AP3B1: variants seen among roughly 807,000 people sequenced by gnomAD.
The protein encoded by AP3B1 is adaptor related protein complex 3 subunit beta 1.
AP3B1 carries 61 observed loss-of-function variants against 132.5 expected under a neutral mutation model. The observed-to-expected ratio is 0.46, with a 90% CI of 0.37 to 0.57. The LOEUF (loss-of-function observed/expected upper bound fraction) is 0.57, where lower values mean the gene tolerates loss of function less well. AP3B1 is among the 20% of genes least tolerant of loss of function. The pLI, the probability that AP3B1 is intolerant of heterozygous loss-of-function variation, is 0.00. For synonymous variants in AP3B1, 388 were observed against 438.3 expected (o/e 0.89, Z 1.43); for missense variants, 1,120 against 1,289.4 (o/e 0.87, Z 2.01).
intron 26 of AP3B1, among the ~76,000 whole-genome samples, chr5:78,007,641 T>A (rs1178601863): frequency 6.6e-6 from 1 of 152,152 alleles, no homozygotes; most frequent in Non-Finnish European, 1.5e-5. Context: ...CTCCTAAACA[T>A]CAATACCAAA....
At chr5:78,085,591 ATAAAT>A (rs1030127223) in intron 22 of AP3B1, among the ~76,000 whole-genome samples, 1 of 152,198 alleles carries the variant, frequency 6.6e-6, no homozygotes, top group Non-Finnish European at 1.5e-5. Context: ...TTGTTATACC[ATAAAT>A]TAATTTTTCC....
At chr5:78,199,555 C>A (rs1452554106) in intron 7 of AP3B1, among the ~76,000 whole-genome samples, 1 of 152,054 alleles carries the variant, frequency 6.6e-6, no homozygotes, top group African/African-American at 2.4e-5. Flanking sequence ...TCATTCTCTC[C>A]ATACCTTAAT....
intron 22 of AP3B1, among the ~76,000 whole-genome samples, chr5:78,072,447 C>T (rs575328794): frequency 3.9e-5 from 6 of 152,206 alleles, no homozygotes; most frequent in South Asian, 4.1e-4. Flanking sequence ...TGGCTGGTAT[C>T]GCTTTTAAAT....
chr5:78,282,249 C>T (rs1009518703), intron 1 of AP3B1, among the ~76,000 whole-genome samples: 15 of 152,116 alleles, frequency 9.9e-5, no homozygotes, highest in African/African-American at 3.1e-4. Flanking sequence ...ACCATTTAGC[C>T]CCTCCTCTTT....
chr5:78,276,817 C>G (rs1748796363), intron 1 of AP3B1, among the ~76,000 whole-genome samples: 1 of 151,208 alleles, frequency 6.6e-6, no homozygotes, highest in African/African-American at 2.4e-5. Flanking sequence ...GGCAGTGAGC[C>G]AAGATCGCAC....
At chr5:78,159,768 C>T (rs1166782372) in intron 13 of AP3B1, among the ~76,000 whole-genome samples, 4 of 152,166 alleles carry the variant, frequency 2.6e-5, no homozygotes, top group Admixed American at 6.5e-5. Context: ...CCACAAGTGC[C>T]TTCTCATTCC....
chr5:78,013,594 A>G (rs1746711436), intron 26 of AP3B1, among the ~76,000 whole-genome samples: 1 of 152,210 alleles, frequency 6.6e-6, no homozygotes, highest in African/African-American at 2.4e-5. Flanking sequence ...TAGTAAATTC[A>G]ATAATTCCAA....
chr5:78,266,841 G>A (rs1748343464), intron 2 of AP3B1, among the ~76,000 whole-genome samples: 1 of 151,990 alleles, frequency 6.6e-6, no homozygotes, highest in South Asian at 2.1e-4. Flanking sequence ...CGTACAGAGA[G>A]TGCAACATAA....
Position 78,294,565 on chromosome 5 carries a change from A to C in AP3B1, c.15T>G (p.Ser5Arg). Residue 5 changes from serine to arginine, a missense_variant, in exon 1 of 27, where the codon AGT (serine) becomes AGG (arginine). Physicochemically the swap from Ser to Arg is moderately radical, Grantham distance 110. This residue lies in a region of AP3B1 where 85 missense variants were observed against 79.9 expected (regional missense o/e 1.06). Transcript: ENST00000255194. ...CTCCGGACTGCTCATTGTAAGGAAAACTATTGCTGGACATTGCCGCGGTGC... is the reference window on the plus strand; with the variant it reads ...CTCCGGACTGCTCATTGTAAGGAAACCTATTGCTGGACATTGCCGCGGTGC... MSSN[S>R]FPYNEQSGGG... 6.2e-7 allele frequency: 1 copy of C among 1,614,140 alleles called. No individual in the cohort carries two copies. The highest frequency in any genetic ancestry group is 1.1e-5 in the South Asian group (1 of 91,088).
chr5:78,067,237 G>A (rs555901253), intron 22 of AP3B1, among the ~76,000 whole-genome samples: 57 of 152,250 alleles, frequency 3.7e-4, no homozygotes, highest in South Asian at 1.0e-3. Context: ...AAATATACAC[G>A]TACCTAATAT....
chr5:78,095,582 C>A (rs1286343766), intron 21 of AP3B1, among the ~76,000 whole-genome samples: 1 of 152,036 alleles, frequency 6.6e-6, no homozygotes, highest in African/African-American at 2.4e-5. Context: ...TAATGAAAAC[C>A]CTGAAGAGGG....
At chr5:78,258,846 G>A (rs191757912) in intron 2 of AP3B1, among the ~76,000 whole-genome samples, 20 of 152,284 alleles carry the variant, frequency 1.3e-4, no homozygotes, top group Non-Finnish European at 2.5e-4. Flanking sequence ...ATACACAATG[G>A]AGTACTATTC....
At chr5:78,044,453 T>C (rs1219032637) in intron 22 of AP3B1, among the ~76,000 whole-genome samples, 2 of 152,242 alleles carry the variant, frequency 1.3e-5, no homozygotes, top group African/African-American at 4.8e-5. Flanking sequence ...ATATTTGTTA[T>C]CAAATCATTA....
At chr5:78,249,579 C>CTTTTTTTTTTTTTTTTTTT (rs71301504) in intron 2 of AP3B1, among the ~76,000 whole-genome samples, 2 of 105,074 alleles carry the variant, frequency 1.9e-5, no homozygotes, top group Non-Finnish European at 3.8e-5. Context: ...TTTTCTTTTT[C>CTTTTTTTTTTTTTTTTTTT]TTTTTTTTTT....
chr5:78,109,168 C>T lies in AP3B1; in HGVS notation c.2397+1039G>A, dbSNP rs144815443. 2.4e-3 allele frequency among the ~76,000 whole-genome samples: 358 copies of T among 152,058 alleles called. 1 individual carries two copies. Among genetic ancestry groups the T allele is most frequent in the African/African-American group, 8.3e-3 (344 of 41,518 alleles). ...GTGAATTTTTTAAAAATAAAAATCTCAGGTTATTTTATATACAGACACAAG... is the reference window on the plus strand; with the variant it reads ...GTGAATTTTTTAAAAATAAAAATCTTAGGTTATTTTATATACAGACACAAG... On this transcript the variant is annotated intron_variant, in intron 20 of 26. Transcript: ENST00000255194.
Position 78,294,627 on chromosome 5 carries a change from C to T in AP3B1, c.-48G>A. On this transcript the variant is annotated 5_prime_UTR_variant, in exon 1 of 27. Transcript: ENST00000255194. Reference sequence around the variant, plus strand: ...GGGTTGGTCCTGCCGGGGGTTCTCTCCAAAAGGTTCCAGTCCAGAGGGCAC... The same window carrying T: ...GGGTTGGTCCTGCCGGGGGTTCTCTTCAAAAGGTTCCAGTCCAGAGGGCAC... 1 of 1,612,202 alleles carries T rather than the reference C, an allele frequency of 6.2e-7. No homozygotes were observed. Among genetic ancestry groups the T allele is most frequent in the Non-Finnish European group, 8.5e-7 (1 of 1,179,898 alleles).
At chr5:78,232,966 C>G (rs185695093) in intron 3 of AP3B1, among the ~76,000 whole-genome samples, 36 of 152,330 alleles carry the variant, frequency 2.4e-4, no homozygotes, top group African/African-American at 8.4e-4. Context: ...CTCGGCCTCC[C>G]AAAGTGCTAG....
intron 26 of AP3B1, among the ~76,000 whole-genome samples, chr5:78,010,983 C>T (rs890305852): frequency 4.6e-5 from 7 of 150,620 alleles, no homozygotes; most frequent in African/African-American, 7.3e-5. Flanking sequence ...CCTTATCATG[C>T]GTTAACTGTA....
At chr5:78,126,389 C>T (rs1752457049) in intron 17 of AP3B1, among the ~76,000 whole-genome samples, 1 of 150,940 alleles carries the variant, frequency 6.6e-6, no homozygotes, top group African/African-American at 2.4e-5. Context: ...GCTGTAATCC[C>T]AGCTACTTGG....
Sources: gnomAD v4.1 joint callset for allele counts (sites outside exome capture counted in the v4.1 genomes callset) on GRCh38, gnomAD v4.1.1 for gene constraint, gnomAD v4.1.1 regional missense constraint, MANE v1.5 for transcripts, NCBI Gene and HGNC (gene_info 2026-07-23, HGNC 2026-07-21) for gene names.